IL1RAPL2: variants seen among roughly 807,000 people sequenced by gnomAD.
The protein encoded by IL1RAPL2 is interleukin 1 receptor accessory protein like 2, also known as X-linked interleukin-1 receptor accessory protein-like 2.
IL1RAPL2 carries 3 observed loss-of-function variants against 44.1 expected under a neutral mutation model. The ratio of observed to expected loss-of-function variants is 0.07; its 90% CI spans 0.03 to 0.18. The LOEUF is 0.18. IL1RAPL2 is among the 10% of genes least tolerant of loss of function. The pLI is 1.00. For synonymous variants in IL1RAPL2, 181 were observed against 178.8 expected (o/e 1.01, Z -0.10); for missense variants, 391 against 496.4 (o/e 0.79, Z 2.02).
At chrX:104,910,004 G>T (rs1356853447) in intron 2 of IL1RAPL2, among the ~76,000 whole-genome samples, 2 of 112,569 alleles carry the variant, frequency 1.8e-5, no homozygotes, top group African/African-American at 6.5e-5. Context: ...CAATCAGCGA[G>T]ACTCCGTGGT....
intron 2 of IL1RAPL2, among the ~76,000 whole-genome samples, chrX:104,774,928 A>G (rs942332404): frequency 4.5e-5 from 5 of 111,625 alleles, no homozygotes; most frequent in South Asian, 3.7e-4. Flanking sequence ...ATTATGCTCT[A>G]TTACGTTCTT....
chrX:104,793,076 T>C (rs1932833768), intron 2 of IL1RAPL2, among the ~76,000 whole-genome samples: 1 of 112,360 alleles, frequency 8.9e-6, no homozygotes, highest in Non-Finnish European at 1.9e-5. Context: ...ATTTTCCAGC[T>C]GGGGAACTGA....
At chrX:105,325,461 G>A (rs754505592) in intron 5 of IL1RAPL2, among the ~76,000 whole-genome samples, 1 of 103,949 alleles carries the variant, frequency 9.6e-6, no homozygotes, top group Admixed American at 1.1e-4. Flanking sequence ...TACACTTTAG[G>A]GCTCTTATAA....
chrX:105,035,858 T>C (rs966141887), intron 2 of IL1RAPL2, among the ~76,000 whole-genome samples: 6 of 112,736 alleles, frequency 5.3e-5, no homozygotes, highest in Admixed American at 9.4e-5. Context: ...TTGCATCTTA[T>C]TCTCCACTTA....
intron 5 of IL1RAPL2, among the ~76,000 whole-genome samples, chrX:105,408,074 A>G (rs747433158): frequency 8.9e-6 from 1 of 112,125 alleles, no homozygotes; most frequent in South Asian, 3.7e-4. Flanking sequence ...GCTAAAAGGC[A>G]ATGTAATATA....
intron 6 of IL1RAPL2, among the ~76,000 whole-genome samples, chrX:105,704,556 TGTC>T (rs2038147033): frequency 8.9e-6 from 1 of 111,997 alleles, no homozygotes. Context: ...TAAAAAATCT[TGTC>T]TATGCTATTT....
chrX:104,900,257 A>AAG (rs1923775204), intron 2 of IL1RAPL2, among the ~76,000 whole-genome samples: 1 of 111,778 alleles, frequency 8.9e-6, no homozygotes, highest in Admixed American at 9.6e-5. Flanking sequence ...TACATATCAA[A>AAG]AGAGCTCTTT....
chrX:105,643,186 C>T lies in IL1RAPL2; in HGVS notation c.773-74181C>T, dbSNP rs1418825572. On this transcript the variant is annotated intron_variant, in intron 6 of 10. Transcript: ENST00000372582. ...GGGTGATAGGACTGTCTATCACCTA[C>T]AGCTGCAGGTGTTTGTAACGGTGAT... Among the ~76,000 whole-genome samples the T allele has an allele frequency of 5.4e-5, 6 of 111,962 alleles. No homozygotes were observed. The South Asian group carries it at 1.1e-3, about 21-fold the overall frequency.
intron 3 of IL1RAPL2, among the ~76,000 whole-genome samples, chrX:105,223,132 A>C (rs1163776840): frequency 9.4e-6 from 1 of 106,569 alleles, no homozygotes; most frequent in Non-Finnish European, 1.9e-5. Flanking sequence ...CCTGGGCAAC[A>C]GAGTGAGATT....
intron 5 of IL1RAPL2, among the ~76,000 whole-genome samples, chrX:105,328,318 A>T: frequency 9.0e-6 from 1 of 111,719 alleles, no homozygotes; most frequent in East Asian, 2.8e-4. Flanking sequence ...GAACCTTACC[A>T]TTTTAAAGTA....
intron 5 of IL1RAPL2, among the ~76,000 whole-genome samples, chrX:105,402,676 A>G (rs938880674): frequency 2.7e-5 from 3 of 111,491 alleles, no homozygotes; most frequent in Non-Finnish European, 5.7e-5. Flanking sequence ...TTCTGAACAT[A>G]TGTCTCATAC....
At chrX:104,642,530 G>T (rs750956035) in intron 1 of IL1RAPL2, among the ~76,000 whole-genome samples, 2 of 110,480 alleles carry the variant, frequency 1.8e-5, no homozygotes, top group African/African-American at 6.6e-5. Context: ...TGTTGCCCAG[G>T]CTGGAGTCCA....
intron 2 of IL1RAPL2, among the ~76,000 whole-genome samples, chrX:104,701,290 T>G (rs927985170): frequency 1.8e-5 from 2 of 111,591 alleles, no homozygotes; most frequent in African/African-American, 6.5e-5. Flanking sequence ...TTATCCCCAT[T>G]TTACAGTTGA....
At chrX:105,739,710 G>T (rs1346664632) in intron 7 of IL1RAPL2, among the ~76,000 whole-genome samples, 2 of 104,678 alleles carry the variant, frequency 1.9e-5, no homozygotes, top group Non-Finnish European at 3.9e-5. Flanking sequence ...AGTATTCCAT[G>T]GTGTATATGT....
At chrX:104,714,195 A>G (rs1230185413) in intron 2 of IL1RAPL2, among the ~76,000 whole-genome samples, 3 of 110,929 alleles carry the variant, frequency 2.7e-5, no homozygotes, top group African/African-American at 9.8e-5. Context: ...GTTTCATGCC[A>G]GTTTTCAAGG....
chrX:105,110,125 G>A (rs151094603), intron 2 of IL1RAPL2, among the ~76,000 whole-genome samples: 6 of 112,139 alleles, frequency 5.4e-5, no homozygotes, highest in Non-Finnish European at 9.4e-5. Context: ...TCTCATTTCA[G>A]GGTTCTTTCC....
intron 2 of IL1RAPL2, among the ~76,000 whole-genome samples, chrX:104,931,976 T>TTG (rs1924913191): frequency 1.0e-4 from 5 of 47,858 alleles, no homozygotes; most frequent in African/African-American, 3.1e-4. Context: ...GTGTGTGTGT[T>TTG]TGTATATATA....
chrX:104,622,617 A>T (rs1179967263), intron 1 of IL1RAPL2, among the ~76,000 whole-genome samples: 1 of 110,876 alleles, frequency 9.0e-6, no homozygotes. Flanking sequence ...TACTTCACTG[A>T]GGACCAATAT....
intron 5 of IL1RAPL2, among the ~76,000 whole-genome samples, chrX:105,275,311 TAA>T (rs2034477639): frequency 8.9e-6 from 1 of 111,985 alleles, no homozygotes; most frequent in Admixed American, 9.5e-5. Context: ...CTGAGGATGT[TAA>T]GTTTCCACAG....
Sources: gnomAD v4.1 joint callset for allele counts (sites outside exome capture counted in the v4.1 genomes callset) on GRCh38, gnomAD v4.1.1 for gene constraint, MANE v1.5 for transcripts, NCBI Gene and HGNC (gene_info 2026-07-23, HGNC 2026-07-21) for gene names.